GALNT17: variants seen among roughly 807,000 people sequenced by gnomAD.
GALNT17 encodes the protein polypeptide N-acetylgalactosaminyltransferase 17, also known as UDP-GalNAc:polypeptide N-acetylgalactosaminyltransferase-like 3.
GALNT17 carries 29 observed loss-of-function variants against 63.7 expected under a neutral mutation model. The observed-to-expected ratio is 0.46, with a 90% CI of 0.34 to 0.62. GALNT17 has a LOEUF of 0.62. Among genes scored for constraint, GALNT17 ranks in the 20% least tolerant of loss-of-function variants. GALNT17 has a pLI of 0.01. For synonymous variants in GALNT17, 305 were observed against 318.3 expected (o/e 0.96, Z 0.45); for missense variants, 603 against 799.6 (o/e 0.75, Z 2.97).
chr7:71,652,107 T>C (rs118190636), intron 6 of GALNT17, among the ~76,000 whole-genome samples: 3,090 of 152,270 alleles, frequency 0.02, 57 homozygotes, highest in Non-Finnish European at 0.031. Context: ...CCAGCCCTAC[T>C]TCTGGGCTCT....
At chr7:71,467,038 C>T (rs1040953349) in intron 5 of GALNT17, among the ~76,000 whole-genome samples, 12 of 152,022 alleles carry the variant, frequency 7.9e-5, no homozygotes, top group Admixed American at 7.9e-4. Flanking sequence ...TAAGACATGT[C>T]TTGGGTAATT....
chr7:71,409,905 T>C (rs1195572243), intron 3 of GALNT17, among the ~76,000 whole-genome samples: 1 of 152,088 alleles, frequency 6.6e-6, no homozygotes, highest in African/African-American at 2.4e-5. Context: ...AGGTCATTCA[T>C]TGATCAGGGT....
At chr7:71,232,755 C>T (rs970366249) in intron 1 of GALNT17, among the ~76,000 whole-genome samples, 15 of 152,196 alleles carry the variant, frequency 9.9e-5, no homozygotes, top group Admixed American at 3.3e-4. Context: ...TTTAATTACA[C>T]GCAAATTAAG....
intron 5 of GALNT17, among the ~76,000 whole-genome samples, chr7:71,532,182 C>T (rs1376950486): frequency 1.3e-5 from 2 of 152,148 alleles, no homozygotes; most frequent in African/African-American, 4.8e-5. Flanking sequence ...GTTTCCTTCT[C>T]CTGACTTTGA....
At chr7:71,505,004 T>C (rs1402319477) in intron 5 of GALNT17, among the ~76,000 whole-genome samples, 1 of 152,144 alleles carries the variant, frequency 6.6e-6, no homozygotes, top group Non-Finnish European at 1.5e-5. Flanking sequence ...TTAGGGCAAG[T>C]TGGATCACAC....
At chr7:71,367,672 C>G (rs975098657) in intron 2 of GALNT17, among the ~76,000 whole-genome samples, 2 of 152,086 alleles carry the variant, frequency 1.3e-5, no homozygotes, top group Non-Finnish European at 2.9e-5. Flanking sequence ...ACGAGTCCAC[C>G]AGCTCCTTTC....
At chr7:71,704,109 C>CTG (rs1791690961) in intron 9 of GALNT17, among the ~76,000 whole-genome samples, 2 of 152,200 alleles carry the variant, frequency 1.3e-5, no homozygotes, top group South Asian at 4.1e-4. Flanking sequence ...CTGTCCCTGG[C>CTG]TGTGTGAAAG....
intron 1 of GALNT17, among the ~76,000 whole-genome samples, chr7:71,325,826 T>C (rs968618895): frequency 6.6e-6 from 1 of 152,192 alleles, no homozygotes. Context: ...AATGAGTCGT[T>C]GGCTTGCCTG....
At chr7:71,264,535 A>G (rs1790452078) in intron 1 of GALNT17, among the ~76,000 whole-genome samples, 1 of 152,194 alleles carries the variant, frequency 6.6e-6, no homozygotes, top group Admixed American at 6.5e-5. Flanking sequence ...ACCCCTGTTC[A>G]TTGCAGCAGT....
At chr7:71,409,949 C>T (rs191102782) in intron 3 of GALNT17, among the ~76,000 whole-genome samples, 4 of 152,234 alleles carry the variant, frequency 2.6e-5, no homozygotes, top group East Asian at 1.9e-4. Flanking sequence ...GTGGAAACTG[C>T]GTTCTTTGGT....
chr7:71,362,801 GA>G (rs1475422004), intron 2 of GALNT17, among the ~76,000 whole-genome samples: 2 of 152,162 alleles, frequency 1.3e-5, no homozygotes. Context: ...AAACATGGCT[GA>G]TTTGCTACTG....
At chr7:71,511,487 C>G (rs1788354800) in intron 5 of GALNT17, among the ~76,000 whole-genome samples, 1 of 152,124 alleles carries the variant, frequency 6.6e-6, no homozygotes. Flanking sequence ...CTGTTGAGAC[C>G]TAGTTCATTT....
At chr7:71,205,019 T>C (rs1031920969) in intron 1 of GALNT17, among the ~76,000 whole-genome samples, 2 of 152,194 alleles carry the variant, frequency 1.3e-5, no homozygotes, top group East Asian at 1.9e-4. Flanking sequence ...ATGCTGGGAT[T>C]ACATCTTTTC....
At chr7:71,411,737 A>G (rs945122930) in intron 3 of GALNT17, among the ~76,000 whole-genome samples, 1 of 151,652 alleles carries the variant, frequency 6.6e-6, no homozygotes, top group Non-Finnish European at 1.5e-5. Context: ...CTTTTTTCTC[A>G]CTGGTACTAT....
In GALNT17 at chr7:71,444,486, G is replaced by A. The variant is rs560809772; in HGVS notation, c.962+23381G>A. ...ATGACACACCCACCGTGGAAAACAG[G>A]GGTGTCTTCCGTAGCAAACTCACTA... On this transcript the variant is annotated intron_variant, in intron 5 of 10. Coordinates refer to ENST00000333538, the MANE Select transcript of GALNT17 (RefSeq NM_022479.3). Among the ~76,000 whole-genome samples the A allele has an allele frequency of 6.6e-5, 9 of 137,340 alleles. No homozygotes were observed. In the South Asian group the frequency reaches 1.7e-3, roughly 25 times the overall value. 90.1% of individuals were successfully genotyped at this position (137,340 alleles called of 152,430 possible).
intron 5 of GALNT17, among the ~76,000 whole-genome samples, chr7:71,432,921 T>C (rs1306256371): frequency 6.6e-6 from 1 of 152,198 alleles, no homozygotes; most frequent in East Asian, 1.9e-4. Context: ...GCGATTATTG[T>C]ACCTCAGCTT....
At chr7:71,183,515 G>T (rs1234222575) in intron 1 of GALNT17, among the ~76,000 whole-genome samples, 1 of 152,134 alleles carries the variant, frequency 6.6e-6, no homozygotes, top group African/African-American at 2.4e-5. Flanking sequence ...GGTAAGAGTT[G>T]ATTCCAGATA....
intron 5 of GALNT17, among the ~76,000 whole-genome samples, chr7:71,554,974 C>T (rs973566588): frequency 1.2e-4 from 18 of 152,152 alleles, no homozygotes; most frequent in Non-Finnish European, 2.2e-4. Flanking sequence ...AAGCATGGTG[C>T]CAACATCTGC....
At chr7:71,390,095 A>T (rs762338666) in intron 3 of GALNT17, among the ~76,000 whole-genome samples, 1 of 152,182 alleles carries the variant, frequency 6.6e-6, no homozygotes, top group African/African-American at 2.4e-5. Flanking sequence ...AGCCAGCTAG[A>T]GTGAGTGCCT....
Sources: gnomAD v4.1 joint callset for allele counts (sites outside exome capture counted in the v4.1 genomes callset) on GRCh38, gnomAD v4.1.1 for gene constraint, MANE v1.5 for transcripts, NCBI Gene and HGNC (gene_info 2026-07-23, HGNC 2026-07-21) for gene names.